Variants in NINJ2 observed in about 807,000 individuals in gnomAD.
The protein encoded by NINJ2 is ninjurin 2, also known as ninjurin-2.
A neutral mutation model predicts 11.7 loss-of-function variants in NINJ2; 12 were observed. The ratio of observed to expected loss-of-function variants is 1.02; its 90% CI spans 0.66 to 1.66. NINJ2 has a LOEUF of 1.66. NINJ2 is among the 40% of genes most tolerant of loss of function. NINJ2 has a pLI of 0.00. For missense variants in NINJ2, 187 were observed against 181.8 expected, an observed-to-expected ratio of 1.03 and a Z score of -0.16; for synonymous variants, 93 against 76.8, an observed-to-expected ratio of 1.21 and a Z score of -1.10.
At chr12:596,080 A>G (rs1592085549) in intron 1 of NINJ2, among the ~76,000 whole-genome samples, 1 of 152,334 alleles carries the variant, frequency 6.6e-6, no homozygotes, top group African/African-American at 2.4e-5. Context: ...TGGTACAGCC[A>G]CTTTGGAACA....
intron 1 of NINJ2, among the ~76,000 whole-genome samples, chr12:569,465 C>A (rs1324001499): frequency 2.6e-5 from 4 of 152,244 alleles, no homozygotes; most frequent in African/African-American, 9.6e-5. Context: ...GCCACCCCTC[C>A]TGTCTCTTCC....
At chr12:651,770 A>G (rs983441184) in intron 1 of NINJ2, among the ~76,000 whole-genome samples, 4 of 152,252 alleles carry the variant, frequency 2.6e-5, no homozygotes, top group African/African-American at 9.6e-5. Flanking sequence ...AGAACCAAAA[A>G]GAAACGCCAG....
intron 1 of NINJ2, among the ~76,000 whole-genome samples, chr12:570,825 ACTG>A (rs1240734203): frequency 6.6e-6 from 1 of 152,070 alleles, no homozygotes; most frequent in Non-Finnish European, 1.5e-5. Context: ...GTGGGCTAGG[ACTG>A]CTGGTTGCTG....
chr12:567,145 T>C (rs1947311482), intron 1 of NINJ2, among the ~76,000 whole-genome samples: 1 of 152,146 alleles, frequency 6.6e-6, no homozygotes, highest in Admixed American at 6.5e-5. Flanking sequence ...CAGGAAGGAA[T>C]GGAGGACTCT....
chr12:602,251 C>T (rs1947883260), intron 1 of NINJ2, among the ~76,000 whole-genome samples: 1 of 152,136 alleles, frequency 6.6e-6, no homozygotes, highest in South Asian at 2.1e-4. Flanking sequence ...CATCACAATC[C>T]ATTCTAGAAC....
intron 1 of NINJ2, chr12:644,159 AATACTGGCCATC>A (rs1373085439): frequency 6.5e-6 from 1 of 154,738 alleles, no homozygotes; most frequent in Non-Finnish European, 1.5e-5. Flanking sequence ...TCGTCACCTT[AATACTGGCCATC>A]ATTTATCGAG....
At chr12:641,824 G>A (rs988332740) in intron 1 of NINJ2, among the ~76,000 whole-genome samples, 1 of 145,130 alleles carries the variant, frequency 6.9e-6, no homozygotes, top group African/African-American at 2.6e-5. Flanking sequence ...CAGCCTGGGC[G>A]ACAGAGCGAG....
intron 1 of NINJ2, among the ~76,000 whole-genome samples, chr12:597,625 C>T (rs944721480): frequency 7.2e-5 from 11 of 152,202 alleles, no homozygotes; most frequent in Admixed American, 4.6e-4. Flanking sequence ...GAAGAAGTCT[C>T]GAAGACATTG....
intron 1 of NINJ2, among the ~76,000 whole-genome samples, chr12:598,995 C>T (rs1364245531): frequency 6.6e-6 from 1 of 152,048 alleles, no homozygotes; most frequent in Non-Finnish European, 1.5e-5. Context: ...TCACTGCGCC[C>T]AGCCTACAAT....
Position 581,047 on chromosome 12 carries a change from CTG to C in NINJ2, c.34-14871_34-14870del, listed in dbSNP as rs1310659754. 4.1e-5 allele frequency among the ~76,000 whole-genome samples: 6 copies of C among 147,988 alleles called. No individual in the cohort carries two copies. The highest frequency in any genetic ancestry group is 4.5e-5 in the Non-Finnish European group (3 of 67,220). On this transcript the variant is annotated intron_variant, in intron 1 of 3. Transcript: ENST00000305108. The surrounding 1 kb of genome is among the most constrained non-coding windows in gnomAD (Gnocchi z 4.9). ...GTCTTGTGTATGTGTCTGTGTGTGT[CTG>C]TGTCTGTGTGTGCGTGTCTCTGTGC...
Position 565,970 on chromosome 12 carries a change from C to G in NINJ2, c.242G>C (p.Gly81Ala). The G allele has an allele frequency of 1.2e-6, 2 of 1,614,200 alleles. No homozygotes were observed. Among genetic ancestry groups the G allele is most frequent in the South Asian group, 1.1e-5 (1 of 91,086 alleles). ...CTCACCAATGACCACGAGCAGGACA[C>G]CGATGACCACCTGCAGGAGCAGAGA... ...SLSLLLQVVI[G>A]VLLVVIARLN... The change falls in exon 2 of 4, where the codon GGT becomes GCT. Residue 81 changes from glycine (G) to alanine (A), a missense_variant. By Grantham distance (60) the Gly-to-Ala change is moderately conservative (BLOSUM62 0). Transcript: ENST00000305108.
chr12:646,326 G>A (rs1937683409), intron 1 of NINJ2, among the ~76,000 whole-genome samples: 1 of 152,212 alleles, frequency 6.6e-6, no homozygotes, highest in African/African-American at 2.4e-5. Context: ...TTGAGGGCCT[G>A]AAAGCACAGA....
chr12:641,529 T>G (rs7307242), intron 1 of NINJ2, among the ~76,000 whole-genome samples: 1 of 151,972 alleles, frequency 6.6e-6, no homozygotes, highest in Non-Finnish European at 1.5e-5. Context: ...CTAGCTCTGA[T>G]AAGACTCTTG....
chr12:634,163 C>T (rs987717830), intron 1 of NINJ2, among the ~76,000 whole-genome samples: 2 of 152,076 alleles, frequency 1.3e-5, no homozygotes, highest in Non-Finnish European at 2.9e-5. Flanking sequence ...TATATACCTC[C>T]CCCAATAGAC....
At chr12:649,157 C>A (rs1486050379) in intron 1 of NINJ2, among the ~76,000 whole-genome samples, 1 of 152,082 alleles carries the variant, frequency 6.6e-6, no homozygotes, top group Non-Finnish European at 1.5e-5. Context: ...AGTGATTCTC[C>A]TGCCTCAGCC....
intron 1 of NINJ2, among the ~76,000 whole-genome samples, chr12:572,577 C>T (rs1383903091): frequency 3.9e-5 from 6 of 152,200 alleles, no homozygotes; most frequent in Non-Finnish European, 7.3e-5. Context: ...GGGAAGGGTG[C>T]CTGGGCCTGT....
rs1201116271 is a variant in NINJ2 at position 606,253 on chromosome 12, A to G, written c.34-40075T>C. On this transcript the variant is annotated intron_variant, in intron 1 of 3. Transcript: ENST00000305108. ...ACTAAAAATATGAAATTAAAAATAT[A>G]AAAATTAAAAATTCAACTTAAGATA... 3.3e-5 allele frequency among the ~76,000 whole-genome samples: 5 copies of G among 152,034 alleles called. No homozygotes were observed. In the South Asian group the frequency reaches 6.2e-4, roughly 19 times the overall value.
chr12:654,540 G>T (rs1592119791), intron 1 of NINJ2, among the ~76,000 whole-genome samples: 1 of 134,628 alleles, frequency 7.4e-6, no homozygotes. Context: ...AAAAAAAAAA[G>T]AATTATACAC....
chr12:629,896 A>AAAAAATATAT, intron 1 of NINJ2, among the ~76,000 whole-genome samples: 1 of 9,904 alleles, frequency 1.0e-4, no homozygotes. Context: ...AAAAAAAAAA[A>AAAAAATATAT]ATATATATAT....
Sources: allele counts gnomAD v4.1 joint callset (sites outside exome capture counted in the v4.1 genomes callset), GRCh38; gene constraint gnomAD v4.1.1; non-coding constraint Gnocchi (gnomAD v3.1); transcripts MANE v1.5; gene names NCBI Gene and HGNC (gene_info 2026-07-23, HGNC 2026-07-21).